PLCG2: variants seen among roughly 807,000 people sequenced by gnomAD.
PLCG2 encodes the protein 1-phosphatidylinositol 4,5-bisphosphate phosphodiesterase gamma-2.
A neutral mutation model predicts 175.6 loss-of-function variants in PLCG2; 69 were observed. That is an observed-to-expected ratio of 0.39 (90% CI 0.32 to 0.48). The LOEUF (loss-of-function observed/expected upper bound fraction) is 0.48, where lower values mean the gene tolerates loss of function less well. Among genes scored for constraint, PLCG2 ranks in the 20% least tolerant of loss-of-function variants. PLCG2 has a pLI of 0.91. For synonymous variants in PLCG2, 827 were observed against 624.0 expected (o/e 1.33, Z -4.85); for missense variants, 1,798 against 1,650.9 (o/e 1.09, Z -1.54).
intron 2 of PLCG2, among the ~76,000 whole-genome samples, chr16:81,759,645 A>G (rs1449371043): frequency 6.6e-6 from 1 of 152,180 alleles, no homozygotes; most frequent in Non-Finnish European, 1.5e-5. Flanking sequence ...CCTGTCATCC[A>G]AACTCCTCCT....
At chr16:81,867,940 C>G (rs1907325649) in intron 5 of PLCG2, among the ~76,000 whole-genome samples, 1 of 152,142 alleles carries the variant, frequency 6.6e-6, no homozygotes, top group African/African-American at 2.4e-5. Flanking sequence ...ACCTCGTGAT[C>G]CGCCCGCCTC....
At chr16:81,896,100 C>T (rs527828241) in intron 13 of PLCG2, among the ~76,000 whole-genome samples, 173 bp downstream of exon 13, 1 of 152,128 alleles carries the variant, frequency 6.6e-6, no homozygotes, top group African/African-American at 2.4e-5. Context: ...AGTGTTGGCA[C>T]CCCCTGCAGG....
At chr16:81,785,904 G>C in intron 1 of PLCG2, 39 bp from the exon 2 acceptor site, 1 of 1,264,028 alleles carries the variant, frequency 7.9e-7, no homozygotes, top group South Asian at 1.4e-5. Context: ...ACCCCTTTCA[G>C]TACTAAAATC....
intron 1 of PLCG2, among the ~76,000 whole-genome samples, chr16:81,741,443 T>C (rs753756833): frequency 6.6e-6 from 1 of 152,196 alleles, no homozygotes; most frequent in Non-Finnish European, 1.5e-5. Flanking sequence ...TCAAAAATTT[T>C]TGCCCTTTGG....
intron 18 of PLCG2, among the ~76,000 whole-genome samples, chr16:81,911,794 T>G (rs1264709872): frequency 2.0e-4 from 26 of 133,288 alleles, no homozygotes; most frequent in African/African-American, 7.4e-4. Flanking sequence ...TATTTCCTTT[T>G]TTTTTTTTTT....
chr16:81,871,718 G>A (rs1332892581), intron 7 of PLCG2, among the ~76,000 whole-genome samples: 1 of 152,162 alleles, frequency 6.6e-6, no homozygotes, highest in Admixed American at 6.5e-5. Flanking sequence ...TTAAGAGGGT[G>A]TATGTTTTGA....
At chr16:81,863,712 C>G (rs1597361085) in intron 5 of PLCG2, among the ~76,000 whole-genome samples, 1 of 152,336 alleles carries the variant, frequency 6.6e-6, no homozygotes, top group East Asian at 1.9e-4. Context: ...TTCTTCATAT[C>G]CTCACCAACA....
At chr16:81,858,541 C>G (rs551405026) in intron 4 of PLCG2, among the ~76,000 whole-genome samples, 185 bp downstream of exon 4, 2 of 152,154 alleles carry the variant, frequency 1.3e-5, no homozygotes, top group Admixed American at 6.5e-5. Flanking sequence ...CAAATAAGAG[C>G]ATTTCCCTGT....
At chr16:81,943,497 C>T (rs1372135335) in intron 30 of PLCG2, among the ~76,000 whole-genome samples, 1 of 152,170 alleles carries the variant, frequency 6.6e-6, no homozygotes, top group Non-Finnish European at 1.5e-5. Flanking sequence ...CACCCGGCCC[C>T]AGCTCCAACA....
At chr16:81,859,455 C>T (rs1040921542) in intron 5 of PLCG2, among the ~76,000 whole-genome samples, 3 of 152,240 alleles carry the variant, frequency 2.0e-5, no homozygotes, top group African/African-American at 7.2e-5. Context: ...GGTAATACAG[C>T]AGTAACCACA....
chr16:81,895,365 C>T (rs1021650743), intron 12 of PLCG2, among the ~76,000 whole-genome samples: 1 of 151,968 alleles, frequency 6.6e-6, no homozygotes. Flanking sequence ...TTGAGACCAC[C>T]CTGGCCAACA....
rs1463332005 is a variant in PLCG2 at position 81,912,644 on chromosome 16, TGAG to T, written c.1985_1987del (p.Arg662del). 1.2e-6 allele frequency: 2 copies of T among 1,613,280 alleles called. No homozygotes were observed. The highest frequency in any genetic ancestry group is 1.7e-6 in the Non-Finnish European group (2 of 1,179,842). ...CGCGGAGAGGCAGAGGACATGCTGATGAGGATTCCCCGGGACGGGGCCTTCCTG... is the reference window on the plus strand; with the variant it reads ...CGCGGAGAGGCAGAGGACATGCTGATGATTCCCCGGGACGGGGCCTTCCTG... On this transcript the variant is annotated inframe_deletion, in exon 19 of 33. Transcript: ENST00000564138.
chr16:81,840,364 G>A (rs1235156009), intron 2 of PLCG2, among the ~76,000 whole-genome samples: 1 of 152,216 alleles, frequency 6.6e-6, no homozygotes, highest in Non-Finnish European at 1.5e-5. Flanking sequence ...CCATGGGCCA[G>A]ATTGGCCTGG....
intron 2 of PLCG2, among the ~76,000 whole-genome samples, chr16:81,794,949 T>C (rs141455533): frequency 1.3e-4 from 20 of 152,382 alleles, no homozygotes; most frequent in African/African-American, 4.1e-4. Flanking sequence ...GATGGTGCTA[T>C]AGCCCTTCTC....
At chr16:81,835,491 A>G (rs1219598167) in intron 2 of PLCG2, among the ~76,000 whole-genome samples, 1 of 152,046 alleles carries the variant, frequency 6.6e-6, no homozygotes, top group African/African-American at 2.4e-5. Context: ...AGGTATGAGA[A>G]TCGCTTAAAC....
chr16:81,884,707 T>C (rs1908268633), intron 9 of PLCG2, among the ~76,000 whole-genome samples: 2 of 143,698 alleles, frequency 1.4e-5, no homozygotes, highest in Non-Finnish European at 3.0e-5. Context: ...TTACTTCATT[T>C]GTTTTTTTTT....
chr16:81,893,687 C>A (rs769275603), intron 11 of PLCG2, 22 bp from the exon 12 acceptor site: 8 of 1,538,554 alleles, frequency 5.2e-6, no homozygotes, highest in African/African-American at 1.4e-5. Context: ...TCTCACACGG[C>A]CACCTGCCTT....
intron 2 of PLCG2, among the ~76,000 whole-genome samples, chr16:81,820,870 C>G (rs1203291594): frequency 1.3e-5 from 2 of 151,688 alleles, no homozygotes; most frequent in Admixed American, 6.6e-5. Flanking sequence ...ATCCGCCCAC[C>G]TCAGCCTCCT....
intron 10 of PLCG2, among the ~76,000 whole-genome samples, chr16:81,890,403 A>T (rs1454464087): frequency 6.6e-6 from 1 of 152,238 alleles, no homozygotes; most frequent in East Asian, 1.9e-4. Context: ...GGTTAAAGGC[A>T]AGATAGAGGT....
Sources: gnomAD v4.1 joint callset for allele counts (sites outside exome capture counted in the v4.1 genomes callset) on GRCh38, gnomAD v4.1.1 for gene constraint, MANE v1.5 for transcripts, NCBI Gene and HGNC (gene_info 2026-07-23, HGNC 2026-07-21) for gene names.